MTSS2: variants seen among roughly 807,000 people sequenced by gnomAD.
MTSS2 encodes protein MTSS 2.
MTSS2 carries 27 observed loss-of-function variants against 67.1 expected under a neutral mutation model. That is an observed-to-expected ratio of 0.40 (90% CI 0.30 to 0.55). The LOEUF is 0.55. MTSS2 is among the 20% of genes least tolerant of loss of function. The pLI is 0.43. For missense variants in MTSS2, 1,171 were observed against 1,067.8 expected, an observed-to-expected ratio of 1.10 and a Z score of -1.35; for synonymous variants, 624 against 468.6, an observed-to-expected ratio of 1.33 and a Z score of -4.28.
intron 10 of MTSS2, among the ~76,000 whole-genome samples, chr16:70,675,198 G>A (rs188140435): frequency 1.1e-4 from 17 of 152,168 alleles, no homozygotes; most frequent in African/African-American, 2.6e-4. Context: ...TGAGGTGGGT[G>A]GATTGCTTGA....
In MTSS2 at chr16:70,664,313, T is replaced by C. The variant is rs755778821; in HGVS notation, c.1608A>G (p.Pro536=). 9 of 1,590,208 alleles carry C rather than the reference T, an allele frequency of 5.7e-6. No individual in the cohort carries two copies. Among genetic ancestry groups the C allele is most frequent in the Non-Finnish European group, 7.7e-6 (9 of 1,171,406 alleles). ...NYRRLIQTKR[P]ASTAGLPTAG... ...CGGTGGGCAGCCCAGCAGTGGAGGCTGGGCGCTTGGTCTGGATCAGGCGGC... is the reference window on the plus strand; with the variant it reads ...CGGTGGGCAGCCCAGCAGTGGAGGCCGGGCGCTTGGTCTGGATCAGGCGGC... The change falls in exon 15 of 15, where the codon CCA becomes CCG. Residue 536 remains proline, a synonymous_variant. Coordinates refer to ENST00000338779, the MANE Select transcript of MTSS2 (RefSeq NM_138383.3).
At chr16:70,676,131 G>C (rs1402617036) in intron 10 of MTSS2, among the ~76,000 whole-genome samples, 1 of 152,234 alleles carries the variant, frequency 6.6e-6, no homozygotes, top group Non-Finnish European at 1.5e-5. Flanking sequence ...AGGGGTGCCT[G>C]GCAAAGGGGG....
rs1597793092 is a variant in MTSS2 at position 70,663,542 on chromosome 16, T to C, written c.*135A>G. 3 of 1,401,298 alleles carry C rather than the reference T, an allele frequency of 2.1e-6. No homozygotes were observed. The highest frequency in any genetic ancestry group is 6.1e-5 in the Admixed American group (2 of 32,754). 86.8% of individuals were successfully genotyped at this position (1,401,298 alleles called of 1,614,324 possible). ...AATGCTGGAATCCAAGTGAGGTGTC[T>C]TTCCATAAAGTGGCATGGCCTCTGC... On this transcript the variant is annotated 3_prime_UTR_variant, in exon 15 of 15. Coordinates refer to ENST00000338779, the MANE Select transcript of MTSS2 (RefSeq NM_138383.3).
rs767787186 is a variant in MTSS2 at position 70,664,136 on chromosome 16, C to A, written c.1785G>T (p.Thr595=). ...PIRPPIVPVK[T]PTVPDSPGYM... ...AGCCGGGGGAGTCAGGCACCGTGGG[C>A]GTCTTCACAGGGACGATGGGCGGCC... Residue 595 remains threonine, a synonymous_variant, in exon 15 of 15, where the codon ACG becomes ACT. Coordinates refer to ENST00000338779, the MANE Select transcript of MTSS2 (RefSeq NM_138383.3). 1.2e-6 allele frequency: 2 copies of A among 1,610,120 alleles called. No homozygotes were observed. The highest frequency in any genetic ancestry group is 1.7e-6 in the Non-Finnish European group (2 of 1,179,650).
chr16:70,665,105 A>T lies in MTSS2; in HGVS notation c.1129-9T>A, dbSNP rs2052656664. On this transcript the variant is annotated splice_polypyrimidine_tract_variant and intron_variant, in intron 12 of 14. Coordinates refer to ENST00000338779, the MANE Select transcript of MTSS2 (RefSeq NM_138383.3). ...CCGACCTTGGACCAGTCCTGCAGGG[A>T]GGGTGTGGCAGGTCAGGGGGACCAC... The T allele has an allele frequency of 2.5e-6, 4 of 1,585,510 alleles. No homozygotes were observed. Among genetic ancestry groups the T allele is most frequent in the Non-Finnish European group, 3.4e-6 (4 of 1,173,140 alleles).
intron 9 of MTSS2, among the ~76,000 whole-genome samples, chr16:70,677,484 C>T (rs915085687): frequency 2.6e-5 from 4 of 152,086 alleles, no homozygotes; most frequent in South Asian, 4.1e-4. Context: ...GGAGGTGGGG[C>T]GTCTCCAGGT....
chr16:70,676,730 T>C (rs1203210538), intron 10 of MTSS2, 151 bp downstream of exon 10: 3 of 661,786 alleles, frequency 4.5e-6, no homozygotes, highest in African/African-American at 3.6e-5. Context: ...CAGGGCACAT[T>C]TTCCCTCTAC....
chr16:70,674,236 T>G, intron 11 of MTSS2, 70 bp downstream of exon 11: 2 of 1,430,084 alleles, frequency 1.4e-6, no homozygotes, highest in South Asian at 2.5e-5. Flanking sequence ...TAGTCCCGCA[T>G]GTGGCTTGCC....
intron 3 of MTSS2, among the ~76,000 whole-genome samples, 196 bp downstream of exon 3, chr16:70,680,598 C>A (rs2053272757): frequency 6.6e-6 from 1 of 152,132 alleles, no homozygotes; most frequent in Non-Finnish European, 1.5e-5. Context: ...CCTGTCACTA[C>A]TTACCCACTC....
chr16:70,683,906 ATGCCTGTG>A (rs1252363188), intron 1 of MTSS2, among the ~76,000 whole-genome samples: 2 of 152,208 alleles, frequency 1.3e-5, no homozygotes, highest in Non-Finnish European at 2.9e-5. Context: ...CCCTGAACAC[ATGCCTGTG>A]TCATAGGTAG....
chr16:70,669,903 C>T (rs2142766662), intron 11 of MTSS2, among the ~76,000 whole-genome samples: 1 of 152,092 alleles, frequency 6.6e-6, no homozygotes, highest in Middle Eastern at 3.4e-3. Context: ...TATTACTCTG[C>T]ACCCACTAGA....
Position 70,663,491 on chromosome 16 carries a change from C to A in MTSS2, c.*186G>T. On this transcript the variant is annotated 3_prime_UTR_variant, in exon 15 of 15. Coordinates refer to ENST00000338779, the MANE Select transcript of MTSS2 (RefSeq NM_138383.3). ...GCCTGCAGGCTCCGTCCTGGCCAGGCTTGCTAAGAAGTCACTTCCTGTTTA... is the reference window on the plus strand; with the variant it reads ...GCCTGCAGGCTCCGTCCTGGCCAGGATTGCTAAGAAGTCACTTCCTGTTTA... The A allele has an allele frequency of 4.2e-6, 5 of 1,182,136 alleles. No individual in the cohort carries two copies. The highest frequency in any genetic ancestry group is 5.7e-6 in the Non-Finnish European group (5 of 877,750). 73.2% of individuals were successfully genotyped at this position (1,182,136 alleles called of 1,614,324 possible). A position where few individuals can be genotyped will look rare whatever the true frequency, so the allele number is the denominator to read the frequency against.
At chr16:70,675,426 ATG>A (rs2053086048) in intron 10 of MTSS2, among the ~76,000 whole-genome samples, 1 of 152,154 alleles carries the variant, frequency 6.6e-6, no homozygotes. Context: ...CTGTCTCACA[ATG>A]ACAACAAAAC....
intron 14 of MTSS2, 51 bp downstream of exon 14, chr16:70,664,547 G>C: frequency 1.3e-6 from 2 of 1,595,514 alleles, no homozygotes; most frequent in Non-Finnish European, 1.7e-6. Context: ...GGCCCTCCTG[G>C]ATGGCTAAGT....
In MTSS2 at chr16:70,665,200, G is replaced by C; in HGVS notation, c.1129-104C>G. On this transcript the variant is annotated intron_variant, in intron 12 of 14. Transcript: ENST00000338779. ...GCTCAGGGTGTCCAGGGCTATCAGG[G>C]GGTCTCTGGTTCGCAATCACAGCCA... The C allele has an allele frequency of 4.5e-6, 6 of 1,343,388 alleles. No homozygotes were observed. The South Asian group carries it at 8.8e-5, about 20-fold the overall frequency. 83.2% of individuals were successfully genotyped at this position (1,343,388 alleles called of 1,614,324 possible). A position where few individuals can be genotyped will look rare whatever the true frequency, so the allele number is the denominator to read the frequency against.
chr16:70,664,460 G>A lies in MTSS2; in HGVS notation c.1472-11C>T, dbSNP rs202100506. On this transcript the variant is annotated splice_polypyrimidine_tract_variant and intron_variant, in intron 14 of 14. Transcript: ENST00000338779. Reference sequence around the variant, plus strand: ...AGTCGTAGTCGGAGCCTGGGGGCACGGGACACAGTGAGGCCCAGGGCCCAG... The same window carrying A: ...AGTCGTAGTCGGAGCCTGGGGGCACAGGACACAGTGAGGCCCAGGGCCCAG... 1.2e-5 allele frequency: 19 copies of A among 1,535,822 alleles called. No individual in the cohort carries two copies. The highest frequency in any genetic ancestry group is 4.0e-5 in the Admixed American group (2 of 49,936).
chr16:70,677,982 T>C, intron 8 of MTSS2, 83 bp from the exon 9 acceptor site: 1 of 1,206,384 alleles, frequency 8.3e-7, no homozygotes, highest in Non-Finnish European at 1.2e-6. Flanking sequence ...CAGCAGCCCT[T>C]GTCGGGCCTC....
rs374199561 is a variant in MTSS2, at chr16:70,679,888, C to T, written c.291-11G>A. On this transcript the variant is annotated splice_polypyrimidine_tract_variant and intron_variant, in intron 4 of 14. Transcript: ENST00000338779. ...CTCTCCAGCAGTGCGCTGCGGAGGG[C>T]GGGCGGGAGCGCAGGTCAGGGCCGG... 195 of 1,587,436 alleles carry T rather than the reference C, an allele frequency of 1.2e-4. No homozygotes were observed. Among genetic ancestry groups the T allele is most frequent in the Non-Finnish European group, 1.6e-4 (182 of 1,174,012 alleles).
chr16:70,678,012 G>T, intron 8 of MTSS2, 113 bp from the exon 9 acceptor site: 1 of 1,000,740 alleles, frequency 1.0e-6, no homozygotes. Context: ...ACCCCTCCTC[G>T]CTAACCAATG....
Sources: gnomAD v4.1 joint callset for allele counts (sites outside exome capture counted in the v4.1 genomes callset) on GRCh38, gnomAD v4.1.1 for gene constraint, MANE v1.5 for transcripts, NCBI Gene and HGNC (gene_info 2026-07-23, HGNC 2026-07-21) for gene names.